The following DIS3L2 variants were observed in gnomAD, a reference collection of about 807,000 sequenced individuals.
DIS3L2 encodes DIS3 like 3'-5' exoribonuclease 2, also known as DIS3-like exonuclease 2.
Under a neutral mutation model 97.5 loss-of-function variants are expected in DIS3L2, and 34 were observed. The observed-to-expected ratio is 0.35, with a 90% CI of 0.27 to 0.46. The LOEUF is 0.46. Among genes scored for constraint, DIS3L2 ranks in the 20% least tolerant of loss-of-function variants. The probability of loss-of-function intolerance (pLI) is 1.00; values close to 1 mark genes in which losing one functional copy is unlikely to be tolerated. For synonymous variants in DIS3L2, 435 were observed against 445.2 expected (o/e 0.98, Z 0.29); for missense variants, 1,038 against 1,146.0 (o/e 0.91, Z 1.36).
chr2:232,168,606 G>C (rs1690892689), intron 9 of DIS3L2, among the ~76,000 whole-genome samples: 1 of 152,158 alleles, frequency 6.6e-6, no homozygotes. Context: ...CTTGGCAAAA[G>C]CATAGGAACC....
At chr2:231,972,845 T>TA (rs1692961742) in intron 1 of DIS3L2, among the ~76,000 whole-genome samples, 1 of 152,166 alleles carries the variant, frequency 6.6e-6, no homozygotes, top group Non-Finnish European at 1.5e-5. Flanking sequence ...TGCCTGGTCC[T>TA]AAAAGTAACC....
chr2:232,085,575 A>G (rs576791912), intron 5 of DIS3L2, among the ~76,000 whole-genome samples: 1 of 152,356 alleles, frequency 6.6e-6, no homozygotes, highest in East Asian at 1.9e-4. Context: ...GGTATTTATC[A>G]TATAGAAATA....
At chr2:231,996,723 C>T (rs887873720) in intron 1 of DIS3L2, among the ~76,000 whole-genome samples, 1 of 152,168 alleles carries the variant, frequency 6.6e-6, no homozygotes, top group African/African-American at 2.4e-5. Flanking sequence ...CACATGTAGT[C>T]AAAATGCTGT....
intron 1 of DIS3L2, among the ~76,000 whole-genome samples, chr2:231,984,929 T>A (rs1184349949): frequency 6.6e-6 from 1 of 152,210 alleles, no homozygotes; most frequent in Non-Finnish European, 1.5e-5. Flanking sequence ...CAAATTAAAC[T>A]TTTTATTTTG....
At chr2:232,214,395 TC>T (rs1692276837) in intron 10 of DIS3L2, among the ~76,000 whole-genome samples, 1 of 152,200 alleles carries the variant, frequency 6.6e-6, no homozygotes. Flanking sequence ...AGTGCTCTCT[TC>T]CTGTAATTTT....
At chr2:232,136,148 A>G (rs1460865775) in intron 7 of DIS3L2, among the ~76,000 whole-genome samples, 1 of 152,246 alleles carries the variant, frequency 6.6e-6, no homozygotes, top group Non-Finnish European at 1.5e-5. Context: ...TGAGAAAAAT[A>G]TAATGTGAAA....
Position 232,336,943 on chromosome 2 carries a change from CAG to C in DIS3L2, c.*314_*315del, listed in dbSNP as rs1695977769. Reference sequence around the variant, plus strand: ...AGGAAATGGGGGGGTTTCAGCAACTCAGTGTCACAGAATAAAATCAAGTGTGG... The same window carrying C: ...AGGAAATGGGGGGGTTTCAGCAACTCTGTCACAGAATAAAATCAAGTGTGG... On this transcript the variant is annotated 3_prime_UTR_variant, in exon 21 of 21. Coordinates refer to ENST00000325385, the MANE Select transcript of DIS3L2 (RefSeq NM_152383.5). The C allele has an allele frequency of 8.4e-7, 1 of 1,194,704 alleles. No homozygotes were observed. The highest frequency in any genetic ancestry group is 1.8e-5 in the South Asian group (1 of 55,582). The allele number at this position is 1,194,704 out of a possible 1,614,324, so 74.0% of individuals were successfully genotyped here. A position where few individuals can be genotyped will look rare whatever the true frequency, so the allele number is the denominator to read the frequency against.
At chr2:232,283,919 A>G (rs1200746087) in intron 13 of DIS3L2, among the ~76,000 whole-genome samples, 1 of 152,186 alleles carries the variant, frequency 6.6e-6, no homozygotes, top group African/African-American at 2.4e-5. Flanking sequence ...CATTATGCCA[A>G]TGTCAGTTTC....
At chr2:232,343,303 A>T in intron 13 of DIS3L2, 2 of 1,526,490 alleles carry the variant, frequency 1.3e-6, no homozygotes, top group African/African-American at 2.8e-5. Flanking sequence ...TAGCCACATG[A>T]AACCGCGCCT....
In DIS3L2 at chr2:232,154,777, C is replaced by G. The variant is rs1052294854; in HGVS notation, c.951-8682C>G. 1.4e-5 allele frequency among the ~76,000 whole-genome samples: 2 copies of G among 147,800 alleles called. 1 individual carries two copies. Among genetic ancestry groups the G allele is most frequent in the South Asian group, 4.4e-4 (2 of 4,570 alleles). On this transcript the variant is annotated intron_variant, in intron 8 of 20. Transcript: ENST00000325385. ...CTTTGTTTACCTAAGCAAGCCTGGG[C>G]AATGGCGGGCGCCCCTCCCCCAGCC...
rs374119466 is a variant in DIS3L2 at position 232,329,873 on chromosome 2, C to T, written c.1800C>T (p.Ala600=). 1.2e-6 allele frequency: 2 copies of T among 1,611,128 alleles called. No homozygotes were observed. The highest frequency in any genetic ancestry group is 1.7e-6 in the Non-Finnish European group (2 of 1,178,960). ...NMAVAHKIHR[A]FPEQALLRRH... ...CAGTGGCCCACAAGATCCACCGCGC[C>T]TTCCCCGAGCAGGCCCTGCTGCGCC... Residue 600 remains alanine, a synonymous_variant, in exon 15 of 21, where the codon GCC becomes GCT. Coordinates refer to ENST00000325385, the MANE Select transcript of DIS3L2 (RefSeq NM_152383.5).
At chr2:232,161,505 C>A (rs1418584124) in intron 8 of DIS3L2, among the ~76,000 whole-genome samples, 39 of 152,192 alleles carry the variant, frequency 2.6e-4, no homozygotes, top group Admixed American at 2.6e-3. Flanking sequence ...GCATCTCGCT[C>A]TGTCGCCCAG....
chr2:232,130,536 T>C, intron 6 of DIS3L2, 83 bp from the exon 7 acceptor site: 1 of 1,494,210 alleles, frequency 6.7e-7, no homozygotes, highest in Admixed American at 2.2e-5. Context: ...TCCAGGCATC[T>C]TTCTAGATTG....
At chr2:231,972,987 G>A (rs1331225623) in intron 1 of DIS3L2, among the ~76,000 whole-genome samples, 2 of 152,206 alleles carry the variant, frequency 1.3e-5, no homozygotes, top group African/African-American at 4.8e-5. Context: ...GGTTTGAACT[G>A]TGTTTTGTAA....
intron 10 of DIS3L2, among the ~76,000 whole-genome samples, chr2:232,211,636 G>A (rs946763613): frequency 1.3e-5 from 2 of 152,226 alleles, no homozygotes; most frequent in Admixed American, 1.3e-4. Flanking sequence ...CTGCCACCAA[G>A]CGTTGATGGC....
downstream of DIS3L2, chr2:232,341,054 C>T (rs1291817467): frequency 5.0e-6 from 2 of 403,642 alleles, no homozygotes; most frequent in Non-Finnish European, 9.8e-6. Context: ...CCCTTGGAGG[C>T]ACAATGATTG....
intron 5 of DIS3L2, among the ~76,000 whole-genome samples, chr2:232,083,507 T>G (rs1426001885): frequency 2.0e-5 from 3 of 151,552 alleles, no homozygotes; most frequent in Non-Finnish European, 4.4e-5. Flanking sequence ...TTTTTTTTTT[T>G]TTTTTGAGAC....
At chr2:232,006,623 A>C (rs1478493791) in intron 1 of DIS3L2, among the ~76,000 whole-genome samples, 2 of 152,226 alleles carry the variant, frequency 1.3e-5, no homozygotes, top group Non-Finnish European at 2.9e-5. Context: ...AGAGCTTTGA[A>C]GAGCAGAGCT....
intron 14 of DIS3L2, among the ~76,000 whole-genome samples, chr2:232,304,969 G>A (rs998640696): frequency 7.2e-5 from 11 of 152,106 alleles, no homozygotes; most frequent in Non-Finnish European, 1.5e-4. Flanking sequence ...TGTTAATGCT[G>A]CATTGTAGGC....
Sources: gnomAD v4.1 joint callset for allele counts (sites outside exome capture counted in the v4.1 genomes callset) on GRCh38, gnomAD v4.1.1 for gene constraint, MANE v1.5 for transcripts, NCBI Gene and HGNC (gene_info 2026-07-23, HGNC 2026-07-21) for gene names.